The following MTMR3 variants were observed in gnomAD, a reference collection of about 807,000 sequenced individuals.
The protein encoded by MTMR3 is myotubularin related protein 3, also known as phosphatidylinositol-3,5-bisphosphate 3-phosphatase MTMR3.
In MTMR3, 32 loss-of-function variants were observed where a neutral mutation model predicts 132.4. That is an observed-to-expected ratio of 0.24 (90% confidence interval 0.18 to 0.32). The LOEUF is 0.32. Ranked by LOEUF, MTMR3 falls within the 10% of genes least tolerant of loss-of-function variation. The pLI is 1.00. For synonymous variants in MTMR3, 556 were observed against 550.3 expected (o/e 1.01, Z -0.14); for missense variants, 1,216 against 1,489.6 (o/e 0.82, Z 3.02).
chr22:29,955,654 A>C (rs1489625444), intron 1 of MTMR3, among the ~76,000 whole-genome samples: 1 of 152,250 alleles, frequency 6.6e-6, no homozygotes. Flanking sequence ...TGGGGAGACA[A>C]AAATATTATG....
In MTMR3 at chr22:30,019,648, C is replaced by T. The variant is rs1240969070; in HGVS notation, c.1989C>T (p.Ala663=). 33 of 1,614,158 alleles carry T rather than the reference C, an allele frequency of 2.0e-5. No individual in the cohort carries two copies. The highest frequency in any genetic ancestry group is 8.3e-5 in the Admixed American group (5 of 60,022). The part of the protein sequence containing the change: ...LAGPGEDPLS[A]DSLGKPTRVP... ...GCCCTGGAGAGGATCCCCTTTCTGCCGACAGCCTAGGGAAGCCCACCAGAG... is the reference window on the plus strand; with the variant it reads ...GCCCTGGAGAGGATCCCCTTTCTGCTGACAGCCTAGGGAAGCCCACCAGAG... The change falls in exon 17 of 20, where the codon GCC becomes GCT. Residue 663 remains alanine (A), a synonymous_variant. Coordinates refer to ENST00000401950, the MANE Select transcript of MTMR3 (RefSeq NM_021090.4).
chr22:29,923,127 C>T (rs528160365), intron 1 of MTMR3, among the ~76,000 whole-genome samples: 20 of 151,420 alleles, frequency 1.3e-4, no homozygotes, highest in African/African-American at 4.8e-4. Context: ...CTGCAAGCTC[C>T]GCCTCCTGGG....
At chr22:29,963,607 C>T (rs1477769697) in intron 2 of MTMR3, among the ~76,000 whole-genome samples, 1 of 151,770 alleles carries the variant, frequency 6.6e-6, no homozygotes, top group African/African-American at 2.4e-5. Flanking sequence ...GGGATGGTCT[C>T]GATCTCTTGA....
intron 17 of MTMR3, 45 bp downstream of exon 17, chr22:30,020,929 C>G (rs578137619): frequency 6.6e-7 from 1 of 1,510,232 alleles, no homozygotes; most frequent in South Asian, 1.3e-5. Flanking sequence ...AAGGAGACGG[C>G]ATGCTGAGGC....
intron 7 of MTMR3, chr22:29,992,922 G>A (rs1474489185): frequency 2.0e-5 from 3 of 152,246 alleles, no homozygotes; most frequent in Non-Finnish European, 4.4e-5. Context: ...AAACAGGCAA[G>A]ATAGGTTGGT....
At chr22:29,981,504 AAC>A (rs1204381003) in intron 5 of MTMR3, 1 of 152,282 alleles carries the variant, frequency 6.6e-6, no homozygotes, top group African/African-American at 2.4e-5. Context: ...TTAGCATCAT[AAC>A]CCTCTAAGGC....
At position 30,030,647 on chromosome 22, in the gene MTMR3, G is replaced by GGGGGTGGGGGT. The variant is rs749927557; in HGVS notation, c.*4847_*4848insGGGTGGGGGTG. 1 of 76,362 alleles carries GGGGGTGGGGGT rather than the reference G, an allele frequency of 1.3e-5. No homozygotes were observed. The highest frequency in any genetic ancestry group is 2.6e-5 in the Non-Finnish European group (1 of 38,520). The allele number at this position is 76,362 out of a possible 1,614,324, so 4.7% of individuals were successfully genotyped here. On this transcript the variant is annotated 3_prime_UTR_variant, in exon 20 of 20. Coordinates refer to ENST00000401950, the MANE Select transcript of MTMR3 (RefSeq NM_021090.4). ...CTCAGCGAGGAGGGGGCGGGGGGGG[G>GGGGGTGGGGGT]GTCACTATTTATCTTCCAGAGGCAG...
At chr22:29,887,013 G>T (rs1336109626) in intron 1 of MTMR3, among the ~76,000 whole-genome samples, 1 of 152,094 alleles carries the variant, frequency 6.6e-6, no homozygotes, top group Non-Finnish European at 1.5e-5. Flanking sequence ...ATTCATACTG[G>T]ATTGAACTAG....
chr22:29,929,767 C>T (rs1158280130), intron 1 of MTMR3, among the ~76,000 whole-genome samples: 1 of 152,170 alleles, frequency 6.6e-6, no homozygotes, highest in Non-Finnish European at 1.5e-5. Context: ...CCATCTTGGC[C>T]TCCAAAAGTG....
chr22:30,021,910 C>T lies in MTMR3; in HGVS notation c.3226-119C>T, dbSNP rs1370387274. ...TTGATGGCTGATGCATCTGCAGATTCGGCAGTCCTAGCACTCGGCCCCACC... is the reference window on the plus strand; with the variant it reads ...TTGATGGCTGATGCATCTGCAGATTTGGCAGTCCTAGCACTCGGCCCCACC... On this transcript the variant is annotated intron_variant, in intron 17 of 19. Transcript: ENST00000401950. 29 of 718,870 alleles carry T rather than the reference C, an allele frequency of 4.0e-5. No homozygotes were observed. The East Asian group carries it at 5.0e-4, about 12-fold the overall frequency. 44.5% of individuals were successfully genotyped at this position (718,870 alleles called of 1,614,324 possible).
At chr22:29,935,445 C>T (rs763956307) in intron 1 of MTMR3, among the ~76,000 whole-genome samples, 24 of 152,188 alleles carry the variant, frequency 1.6e-4, no homozygotes, top group Non-Finnish European at 2.8e-4. Flanking sequence ...TAAAAACTAA[C>T]ATTTAAAAAA....
chr22:29,962,500 T>C (rs1370767538), intron 2 of MTMR3, among the ~76,000 whole-genome samples: 1 of 151,822 alleles, frequency 6.6e-6, no homozygotes, highest in African/African-American at 2.4e-5. Flanking sequence ...GAGCCTCCCC[T>C]TTTCCCCCCA....
intron 1 of MTMR3, among the ~76,000 whole-genome samples, chr22:29,941,017 G>A (rs2065847107): frequency 6.7e-6 from 1 of 150,016 alleles, no homozygotes; most frequent in African/African-American, 2.5e-5. Context: ...CCTCAATCAT[G>A]ATACAGAACT....
At chr22:29,951,031 A>G (rs954304574) in intron 1 of MTMR3, among the ~76,000 whole-genome samples, 4 of 152,016 alleles carry the variant, frequency 2.6e-5, no homozygotes, top group Non-Finnish European at 5.9e-5. Flanking sequence ...TGAGCTTGTA[A>G]TCTCAGCTAC....
At chr22:29,928,281 C>T (rs1323920818) in intron 1 of MTMR3, among the ~76,000 whole-genome samples, 18 of 151,316 alleles carry the variant, frequency 1.2e-4, no homozygotes, top group African/African-American at 4.1e-4. Flanking sequence ...TAGTGATTCT[C>T]CTGCTTCAGC....
chr22:29,898,602 C>T (rs149441972), intron 1 of MTMR3, among the ~76,000 whole-genome samples: 1 of 152,124 alleles, frequency 6.6e-6, no homozygotes, highest in East Asian at 1.9e-4. Context: ...TGGGTTTTGT[C>T]CTGTTACCCA....
At chr22:29,996,255 A>G (rs1327210457) in intron 7 of MTMR3, 1 of 152,262 alleles carries the variant, frequency 6.6e-6, no homozygotes, top group Non-Finnish European at 1.5e-5. Flanking sequence ...ATATAAAAAT[A>G]ATTAAAACTC....
At chr22:29,942,402 G>A (rs1416925231) in intron 1 of MTMR3, among the ~76,000 whole-genome samples, 1 of 152,172 alleles carries the variant, frequency 6.6e-6, no homozygotes, top group Non-Finnish European at 1.5e-5. Context: ...CAGGACCACA[G>A]GACCGGGGCA....
chr22:30,010,441 T>TG (rs2067387955), intron 12 of MTMR3: 1 of 152,258 alleles, frequency 6.6e-6, no homozygotes, highest in Non-Finnish European at 1.5e-5. Context: ...ATCATAATGC[T>TG]GCACTGAAGT....
Sources: allele counts gnomAD v4.1 joint callset (sites outside exome capture counted in the v4.1 genomes callset), GRCh38; gene constraint gnomAD v4.1.1; transcripts MANE v1.5; gene names NCBI Gene and HGNC (gene_info 2026-07-23, HGNC 2026-07-21).